NRG3: variants seen among roughly 807,000 people sequenced by gnomAD.
NRG3 encodes the protein neuregulin 3.
A neutral mutation model predicts 66.9 loss-of-function variants in NRG3; 31 were observed. The observed-to-expected ratio is 0.46, with a 90% CI of 0.35 to 0.63. NRG3 has a LOEUF of 0.63. NRG3 is among the 20% of genes least tolerant of loss of function. NRG3 has a pLI of 0.00. For synonymous variants in NRG3, 393 were observed against 359.4 expected (o/e 1.09, Z -1.06); for missense variants, 910 against 878.9 (o/e 1.04, Z -0.45).
chr10:82,692,318 C>T (rs1344566796), intron 2 of NRG3, among the ~76,000 whole-genome samples: 1 of 151,240 alleles, frequency 6.6e-6, no homozygotes, highest in Non-Finnish European at 1.5e-5. Flanking sequence ...AGAATGTATG[C>T]AATTTGTTGA....
At chr10:82,648,924 C>A (rs985794504) in intron 2 of NRG3, among the ~76,000 whole-genome samples, 4 of 152,120 alleles carry the variant, frequency 2.6e-5, no homozygotes, top group Non-Finnish European at 5.9e-5. Context: ...AATGCAACAA[C>A]CCTTCATGCT....
intron 1 of NRG3, among the ~76,000 whole-genome samples, chr10:81,962,145 G>T (rs1423944081): frequency 6.6e-6 from 1 of 152,238 alleles, no homozygotes; most frequent in East Asian, 1.9e-4. Context: ...GAATTGGGCA[G>T]AACTGAATCA....
At chr10:82,010,449 T>G (rs1472062613) in intron 1 of NRG3, among the ~76,000 whole-genome samples, 2 of 152,228 alleles carry the variant, frequency 1.3e-5, no homozygotes, top group African/African-American at 4.8e-5. Flanking sequence ...GACTTTCTTT[T>G]AATGTAGAAG....
At chr10:82,375,676 G>C (rs890456265) in intron 2 of NRG3, among the ~76,000 whole-genome samples, 1 of 152,174 alleles carries the variant, frequency 6.6e-6, no homozygotes, top group African/African-American at 2.4e-5. Context: ...AGTGAAATCT[G>C]TTCTAAACCT....
intron 3 of NRG3, among the ~76,000 whole-genome samples, chr10:82,749,617 G>T (rs2058780414): frequency 6.6e-6 from 1 of 152,022 alleles, no homozygotes; most frequent in South Asian, 2.1e-4. Flanking sequence ...ATGTGAGGAT[G>T]GTGCCTCCTT....
intron 1 of NRG3, among the ~76,000 whole-genome samples, chr10:82,182,728 T>A (rs991278124): frequency 3.3e-5 from 5 of 151,992 alleles, no homozygotes; most frequent in African/African-American, 1.2e-4. Flanking sequence ...ACCAGTGAAC[T>A]TTATATTTTA....
chr10:82,687,478 C>T (rs1312283016), intron 2 of NRG3, among the ~76,000 whole-genome samples: 3 of 152,150 alleles, frequency 2.0e-5, no homozygotes, highest in Admixed American at 6.5e-5. Flanking sequence ...ATATAAACTG[C>T]AGATAATACA....
At chr10:82,357,941 T>G (rs1443994546) in intron 1 of NRG3, among the ~76,000 whole-genome samples, 1 of 152,208 alleles carries the variant, frequency 6.6e-6, no homozygotes, top group Non-Finnish European at 1.5e-5. Flanking sequence ...TGTGGTGGAA[T>G]TGGAGCTAAT....
chr10:82,165,574 T>C (rs1349249726), intron 1 of NRG3, among the ~76,000 whole-genome samples: 6 of 152,020 alleles, frequency 3.9e-5, no homozygotes, highest in Non-Finnish European at 8.8e-5. Context: ...TAGGTGATCA[T>C]TTTTTTCCTC....
At chr10:82,116,944 C>T (rs2067763588) in intron 1 of NRG3, among the ~76,000 whole-genome samples, 1 of 152,072 alleles carries the variant, frequency 6.6e-6, no homozygotes, top group African/African-American at 2.4e-5. Context: ...CAGGCTTTGC[C>T]CTCAACAAGC....
intron 1 of NRG3, among the ~76,000 whole-genome samples, chr10:81,956,828 C>T (rs548798712): frequency 6.6e-6 from 1 of 152,274 alleles, no homozygotes; most frequent in Admixed American, 6.5e-5. Flanking sequence ...TCACTATCCC[C>T]TATTAGGCCC....
intron 2 of NRG3, among the ~76,000 whole-genome samples, chr10:82,672,660 AAAC>A (rs1279016056): frequency 6.6e-6 from 1 of 152,228 alleles, no homozygotes; most frequent in Non-Finnish European, 1.5e-5. Context: ...AATCAAAACA[AAAC>A]AAATCAAAAC....
At chr10:82,362,333 ATGTG>A (rs56996997) in intron 2 of NRG3, among the ~76,000 whole-genome samples, 3,725 of 135,872 alleles carry the variant, frequency 0.027, 68 homozygotes, top group African/African-American at 0.045. Context: ...GTATATATAT[ATGTG>A]TGTGTGTGTG....
At chr10:82,732,456 G>T (rs1292515509) in intron 2 of NRG3, among the ~76,000 whole-genome samples, 1 of 152,128 alleles carries the variant, frequency 6.6e-6, no homozygotes, top group Non-Finnish European at 1.5e-5. Context: ...CATACAGAAT[G>T]CCAGAAGGTA....
intron 2 of NRG3, among the ~76,000 whole-genome samples, chr10:82,548,039 GTTTTT>G (rs57096412): frequency 6.6e-5 from 8 of 121,030 alleles, no homozygotes; most frequent in Non-Finnish European, 1.4e-4. Flanking sequence ...CTCATGCCAC[GTTTTT>G]TTTTTTTTTT....
At chr10:82,887,087 A>C (rs1294670558) in intron 4 of NRG3, among the ~76,000 whole-genome samples, 2 of 152,314 alleles carry the variant, frequency 1.3e-5, no homozygotes, top group Non-Finnish European at 2.9e-5. Flanking sequence ...GTGTAGCAAG[A>C]GTGGCTAGGT....
At position 82,734,489 on chromosome 10, in the gene NRG3, G is replaced by T. The variant is rs556672861; in HGVS notation, c.954-4088G>T. On this transcript the variant is annotated intron_variant, in intron 2 of 8. Transcript: ENST00000372141. The stretch of plus-strand genomic sequence containing the variant: ...AGGGAAGGTCCTGAGCCTCTATTTG[G>T]CCCTGAGGCTTATCAACCTGATACT... Among the ~76,000 whole-genome samples, 4 of 152,126 alleles carry T rather than the reference G, an allele frequency of 2.6e-5. No individual in the cohort carries two copies. The South Asian group carries it at 8.3e-4, about 32-fold the overall frequency.
At chr10:82,365,555 C>T (rs989911681) in intron 2 of NRG3, among the ~76,000 whole-genome samples, 1 of 152,162 alleles carries the variant, frequency 6.6e-6, no homozygotes, top group African/African-American at 2.4e-5. Flanking sequence ...GTCTTAGAAA[C>T]TCGGAAAGCA....
intron 1 of NRG3, among the ~76,000 whole-genome samples, chr10:81,905,218 G>A (rs1437887898): frequency 2.0e-5 from 3 of 152,042 alleles, no homozygotes; most frequent in East Asian, 1.9e-4. Flanking sequence ...ACCACTCTTC[G>A]TTTTTTTCCT....
Sources: allele counts gnomAD v4.1 joint callset (sites outside exome capture counted in the v4.1 genomes callset), GRCh38; gene constraint gnomAD v4.1.1; transcripts MANE v1.5; gene names NCBI Gene and HGNC (gene_info 2026-07-23, HGNC 2026-07-21).